POFUT3: variants seen among roughly 807,000 people sequenced by gnomAD.
The protein encoded by POFUT3 is GDP-fucose protein O-fucosyltransferase 3.
the POFUT3 span, among the ~76,000 whole-genome samples, chr8:33,364,347 T>C: frequency 6.6e-6 from 1 of 152,182 alleles, no homozygotes; most frequent in Non-Finnish European, 1.5e-5. Flanking sequence ...AAGCATTCCC[T>C]TTGAAAATGG....
At chr8:33,462,777 A>G in the POFUT3 span, among the ~76,000 whole-genome samples, 2 of 152,116 alleles carry the variant, frequency 1.3e-5, no homozygotes, top group African/African-American at 4.8e-5. Context: ...AGAAAATTTT[A>G]CAAATTAGCT....
At chr8:33,389,356 C>T in the POFUT3 span, 1 of 1,614,034 alleles carries the variant, frequency 6.2e-7, no homozygotes. Context: ...TAAACTTATA[C>T]TGTGCAATGA....
chr8:33,318,621 AT>A, the POFUT3 span, among the ~76,000 whole-genome samples: 24 of 86,022 alleles, frequency 2.8e-4, 3 homozygotes, highest in African/African-American at 1.5e-3. Flanking sequence ...TTGTATATAT[AT>A]TTATATAATA....
the POFUT3 span, among the ~76,000 whole-genome samples, chr8:33,374,097 T>C: frequency 6.6e-6 from 1 of 152,204 alleles, no homozygotes; most frequent in Non-Finnish European, 1.5e-5. Flanking sequence ...CTCTGCCTCC[T>C]GTCAGATCAT....
the POFUT3 span, chr8:33,388,763 G>A: frequency 1.9e-5 from 11 of 587,410 alleles, no homozygotes; most frequent in Non-Finnish European, 3.3e-5. Context: ...TTTCAGGAAT[G>A]AAGGCCTGTC....
chr8:33,407,107 T>A, the POFUT3 span, among the ~76,000 whole-genome samples: 1 of 152,180 alleles, frequency 6.6e-6, no homozygotes, highest in African/African-American at 2.4e-5. Context: ...AAGAGGATGA[T>A]ATTTCAAAAT....
the POFUT3 span, chr8:33,389,092 G>A: frequency 6.2e-7 from 1 of 1,614,136 alleles, no homozygotes; most frequent in Admixed American, 1.7e-5. Context: ...GAAGTCGCTG[G>A]TTAGAGATCT....
chr8:33,456,176 T>C, the POFUT3 span, among the ~76,000 whole-genome samples: 1 of 152,122 alleles, frequency 6.6e-6, no homozygotes, highest in South Asian at 2.1e-4. Flanking sequence ...CCTGCAAATG[T>C]ACAACCAGTC....
the POFUT3 span, among the ~76,000 whole-genome samples, chr8:33,363,357 C>G: frequency 1.6e-4 from 25 of 151,912 alleles, no homozygotes; most frequent in African/African-American, 5.6e-4. Context: ...ACAATTAAAA[C>G]AACTAGAGAA....
At chr8:33,456,137 C>T in the POFUT3 span, among the ~76,000 whole-genome samples, 1 of 152,126 alleles carries the variant, frequency 6.6e-6, no homozygotes, top group South Asian at 2.1e-4. Flanking sequence ...CTTGTAGCCA[C>T]AAACTATCTT....
chr8:33,373,857 T>C, the POFUT3 span, among the ~76,000 whole-genome samples: 2 of 152,030 alleles, frequency 1.3e-5, no homozygotes, highest in African/African-American at 4.8e-5. Context: ...TAACAAAACA[T>C]AGAAGAATAG....
chr8:33,337,321 G>A, the POFUT3 span, among the ~76,000 whole-genome samples: 3 of 152,142 alleles, frequency 2.0e-5, no homozygotes, highest in Admixed American at 6.5e-5. Flanking sequence ...CTGCACTCAG[G>A]AAGATGGAAA....
the POFUT3 span, among the ~76,000 whole-genome samples, chr8:33,427,825 C>A: frequency 6.6e-6 from 1 of 151,892 alleles, no homozygotes; most frequent in African/African-American, 2.4e-5. Flanking sequence ...TTGGCAAGAG[C>A]GAATATAAAA....
At chr8:33,333,253 G>T in the POFUT3 span, among the ~76,000 whole-genome samples, 1 of 152,114 alleles carries the variant, frequency 6.6e-6, no homozygotes, top group African/African-American at 2.4e-5. Flanking sequence ...TATGTTTCAG[G>T]AAAAAGAAGG....
chr8:33,337,979 A>G, the POFUT3 span, among the ~76,000 whole-genome samples: 2 of 152,178 alleles, frequency 1.3e-5, no homozygotes, highest in Non-Finnish European at 2.9e-5. Flanking sequence ...ATGAGGAAGG[A>G]ATACTTCCAA....
the POFUT3 span, chr8:33,452,286 T>G: frequency 1.3e-5 from 2 of 152,192 alleles, no homozygotes; most frequent in Non-Finnish European, 2.9e-5. Context: ...AACTTAGTTT[T>G]GAGGTTTATC....
the POFUT3 span, chr8:33,436,301 A>C: frequency 7.4e-7 from 1 of 1,344,376 alleles, no homozygotes; most frequent in Non-Finnish European, 1.1e-6. Flanking sequence ...ACTCTGTGTT[A>C]TCAAGGCCCT....
the POFUT3 span, among the ~76,000 whole-genome samples, chr8:33,412,457 G>A: frequency 3.9e-5 from 6 of 152,202 alleles, no homozygotes; most frequent in African/African-American, 1.2e-4. Flanking sequence ...CATCAGCCTA[G>A]CTGCAGGTAC....
chr8:33,328,014 T>A, the POFUT3 span, among the ~76,000 whole-genome samples: 3 of 152,226 alleles, frequency 2.0e-5, no homozygotes, highest in Non-Finnish European at 2.9e-5. Context: ...CTTAACTGCC[T>A]GCTGAAGGTG....
Sources: gnomAD v4.1 joint callset for allele counts (sites outside exome capture counted in the v4.1 genomes callset) on GRCh38, gnomAD v4.1.1 for gene constraint, MANE v1.5 for transcripts, NCBI Gene and HGNC (gene_info 2026-07-23, HGNC 2026-07-21) for gene names.